SAXO5: variants seen among roughly 807,000 people sequenced by gnomAD.
SAXO5 encodes testis expressed 45.
chr19:7,506,151 C>G, the SAXO5 span: 1 of 1,606,596 alleles, frequency 6.2e-7, no homozygotes. Context: ...AGCTACCTGC[C>G]GCGGGGCACG....
chr19:7,506,315 G>A, the SAXO5 span: 4 of 698,884 alleles, frequency 5.7e-6, no homozygotes, highest in African/African-American at 5.9e-5. Context: ...CCTCGCCCTT[G>A]CCACTGCTCT....
At chr19:7,505,473 C>T in the SAXO5 span, 1 of 1,613,528 alleles carries the variant, frequency 6.2e-7, no homozygotes, top group Non-Finnish European at 8.5e-7. Context: ...CGCCTCCCAC[C>T]GCAGCCTCCC....
At chr19:7,506,102 A>AG in the SAXO5 span, 3 of 1,613,256 alleles carry the variant, frequency 1.9e-6, no homozygotes, top group Admixed American at 3.3e-5. Context: ...TTCAGAGTGG[A>AG]GACAGGTGCA....
At chr19:7,500,307 T>C in the SAXO5 span, among the ~76,000 whole-genome samples, 4 of 151,932 alleles carry the variant, frequency 2.6e-5, no homozygotes, top group African/African-American at 9.7e-5. Context: ...TGAAAGATTT[T>C]TTTTTATGTT....
the SAXO5 span, chr19:7,508,364 C>T: frequency 6.2e-7 from 1 of 1,613,826 alleles, no homozygotes; most frequent in Non-Finnish European, 8.5e-7. Context: ...ACCAGCGCGG[C>T]TGCAGGGAGA....
chr19:7,505,996 C>G, the SAXO5 span: 1 of 1,597,370 alleles, frequency 6.3e-7, no homozygotes, highest in Non-Finnish European at 8.6e-7. Flanking sequence ...CCAGCCGCCA[C>G]GTGCCTCATG....
At chr19:7,502,063 AC>A in the SAXO5 span, among the ~76,000 whole-genome samples, 5,932 of 152,036 alleles carry the variant, frequency 0.039, 341 homozygotes, top group African/African-American at 0.13. Flanking sequence ...ACATAGCGAG[AC>A]CCATCTCTAC....
chr19:7,498,538 A>C, the SAXO5 span, among the ~76,000 whole-genome samples: 1 of 151,876 alleles, frequency 6.6e-6, no homozygotes, highest in East Asian at 1.9e-4. Context: ...CTGGGATTAC[A>C]GGCATGCGCC....
chr19:7,506,166 G>A, the SAXO5 span: 2 of 1,592,784 alleles, frequency 1.3e-6, no homozygotes, highest in Non-Finnish European at 1.7e-6. Flanking sequence ...GGCACGGGCG[G>A]TGAGCGCTCC....
the SAXO5 span, chr19:7,505,176 T>C: frequency 1.4e-6 from 1 of 707,056 alleles, no homozygotes; most frequent in East Asian, 2.6e-5. Context: ...AGAGATGGGG[T>C]TTCACCATTT....
At chr19:7,506,212 A>AG in the SAXO5 span, 1 of 1,396,000 alleles carries the variant, frequency 7.2e-7, no homozygotes. Context: ...CGCCCCGGGA[A>AG]GCCCCACCCC....
At chr19:7,504,638 G>A in the SAXO5 span, among the ~76,000 whole-genome samples, 6 of 151,766 alleles carry the variant, frequency 4.0e-5, no homozygotes, top group African/African-American at 1.2e-4. Flanking sequence ...CCCGGGAGGC[G>A]GAGGCTGCAG....
the SAXO5 span, among the ~76,000 whole-genome samples, chr19:7,501,917 GGA>G: frequency 0.4 from 57,308 of 145,072 alleles, 11,504 homozygotes; most frequent in African/African-American, 0.51. Context: ...AAGACAGAGA[GGA>G]AGGGAGGGAG....
the SAXO5 span, chr19:7,508,097 C>A: frequency 1.2e-6 from 1 of 854,396 alleles, no homozygotes. Flanking sequence ...CTAGCCTGCC[C>A]TGCCTGGCCC....
chr19:7,504,437 G>A, the SAXO5 span: 16 of 1,584,160 alleles, frequency 1.0e-5, no homozygotes, highest in African/African-American at 4.0e-5. Flanking sequence ...TGCGGGCACG[G>A]TGGCTCATGC....
the SAXO5 span, chr19:7,501,447 T>A: frequency 2.8e-6 from 4 of 1,428,318 alleles, 1 homozygote; most frequent in East Asian, 1.1e-4. Flanking sequence ...ACATTGTGGT[T>A]CTCAAACAGG....
chr19:7,500,669 G>T, the SAXO5 span: 1 of 658,844 alleles, frequency 1.5e-6, no homozygotes, highest in Non-Finnish European at 2.3e-6. Flanking sequence ...CCAGTTTCCC[G>T]TGATGTCCCC....
the SAXO5 span, chr19:7,499,932 T>TTGTGTGTG: frequency 0.23 from 24,590 of 108,804 alleles, 2,408 homozygotes; most frequent in Middle Eastern, 0.3. Context: ...CTTGTCTAAT[T>TTGTGTGTG]TGTGTGTGTG....
At chr19:7,504,591 A>G in the SAXO5 span, among the ~76,000 whole-genome samples, 1,190 of 152,046 alleles carry the variant, frequency 7.8e-3, 6 homozygotes, top group Admixed American at 0.014. Flanking sequence ...CTGTAATCCC[A>G]GTTACTCCGG....
Sources: gnomAD v4.1 joint callset for allele counts (sites outside exome capture counted in the v4.1 genomes callset) on GRCh38, gnomAD v4.1.1 for gene constraint, MANE v1.5 for transcripts, NCBI Gene and HGNC (gene_info 2026-07-23, HGNC 2026-07-21) for gene names.